Variants in C1GALT1 observed in about 807,000 individuals in gnomAD.
The protein encoded by C1GALT1 is glycoprotein-N-acetylgalactosamine 3-beta-galactosyltransferase 1.
C1GALT1 carries 11 observed loss-of-function variants against 31.0 expected under a neutral mutation model. The ratio of observed to expected loss-of-function variants is 0.36; its 90% CI spans 0.22 to 0.59. C1GALT1 has a LOEUF of 0.59. Among genes scored for constraint, C1GALT1 ranks in the 20% least tolerant of loss-of-function variants. The pLI is 0.79. For synonymous variants in C1GALT1, 175 were observed against 143.6 expected, an observed-to-expected ratio of 1.22 and a Z score of -1.56; for missense variants, 424 against 425.2, an observed-to-expected ratio of 1.00 and a Z score of 0.03.
intron 1 of C1GALT1, among the ~76,000 whole-genome samples, chr7:7,195,140 G>A (rs904403161): frequency 2.0e-5 from 3 of 151,916 alleles, no homozygotes; most frequent in African/African-American, 4.8e-5. Context: ...TATCTTTTGT[G>A]TTTTTTGTTT....
At position 7,211,780 on chromosome 7, in the gene C1GALT1, A is replaced by C. The variant is rs563894193; in HGVS notation, c.-17-22523A>C. ...CAGGATAATTTCCCACAATTAGTAT[A>C]GTGATTCAGATTTTTACATTACCCA... On this transcript the variant is annotated intron_variant, in intron 1 of 3. Transcript: ENST00000436587. Among the ~76,000 whole-genome samples, 7 of 152,326 alleles carry C rather than the reference A, an allele frequency of 4.6e-5. No homozygotes were observed. In the East Asian group the frequency reaches 9.6e-4, roughly 21 times the overall value.
At chr7:7,217,170 C>A (rs1782284030) in intron 1 of C1GALT1, among the ~76,000 whole-genome samples, 1 of 152,192 alleles carries the variant, frequency 6.6e-6, no homozygotes, top group Non-Finnish European at 1.5e-5. Flanking sequence ...AGTGAAGGAA[C>A]ACCAGGGTTC....
chr7:7,213,275 T>G (rs933674625), intron 1 of C1GALT1, among the ~76,000 whole-genome samples: 1 of 152,206 alleles, frequency 6.6e-6, no homozygotes, highest in African/African-American at 2.4e-5. Context: ...TGTCTGCAAA[T>G]GACAAAATTT....
intron 1 of C1GALT1, among the ~76,000 whole-genome samples, chr7:7,198,195 A>G (rs1037031103): frequency 3.3e-5 from 5 of 151,930 alleles, no homozygotes; most frequent in African/African-American, 1.2e-4. Flanking sequence ...TTATTATTTT[A>G]AGATATGTCC....
At chr7:7,199,199 C>G (rs967389745) in intron 1 of C1GALT1, among the ~76,000 whole-genome samples, 1 of 152,172 alleles carries the variant, frequency 6.6e-6, no homozygotes, top group Non-Finnish European at 1.5e-5. Flanking sequence ...CCTCTACACA[C>G]TGCTTTAAAT....
chr7:7,163,584 A>T (rs1246369688), intron 2 of C1GALT1, among the ~76,000 whole-genome samples: 2 of 152,132 alleles, frequency 1.3e-5, no homozygotes, highest in Non-Finnish European at 2.9e-5. Context: ...CTCAGCCCAA[A>T]ATCTCCTTAA....
intron 3 of C1GALT1, among the ~76,000 whole-genome samples, chr7:7,241,921 A>T (rs1443662541): frequency 6.6e-6 from 1 of 152,054 alleles, no homozygotes; most frequent in Admixed American, 6.5e-5. Flanking sequence ...TAATTAATGC[A>T]GTAAATCTTA....
intron 1 of C1GALT1, among the ~76,000 whole-genome samples, chr7:7,223,750 T>C (rs953656035): frequency 2.6e-5 from 4 of 152,150 alleles, no homozygotes; most frequent in Non-Finnish European, 5.9e-5. Flanking sequence ...GCCTTTTCAT[T>C]CTCTTTTTTA....
At chr7:7,223,286 G>T (rs1562585702) in intron 1 of C1GALT1, among the ~76,000 whole-genome samples, 1 of 152,132 alleles carries the variant, frequency 6.6e-6, no homozygotes, top group Non-Finnish European at 1.5e-5. Context: ...AACCTCCCCA[G>T]TAGCTGGGAT....
intron 2 of C1GALT1, chr7:7,235,443 G>A (rs1383163011): frequency 6.6e-6 from 1 of 152,124 alleles, no homozygotes; most frequent in African/African-American, 2.4e-5. Context: ...AGTATGTCGT[G>A]TTTTGTGATT....
rs1339695008 is a variant in C1GALT1, at chr7:7,234,327, C to G, written c.8C>G (p.Ser3Cys). The change falls in exon 2 of 4, where the codon TCT becomes TGT. Residue 3 changes from serine to cysteine, a missense_variant. Physicochemically the swap from Ser to Cys is moderately radical, Grantham distance 112. This residue lies in a region of C1GALT1 where 189 missense variants were observed against 158.2 expected (regional missense o/e 1.19). Coordinates refer to ENST00000436587, the MANE Select transcript of C1GALT1 (RefSeq NM_020156.5). ...GAAATACACTTTCGGGAAATGGCCTCTAAATCCTGGCTGAATTTTTTAACC... is the reference window on the plus strand; with the variant it reads ...GAAATACACTTTCGGGAAATGGCCTGTAAATCCTGGCTGAATTTTTTAACC... MA[S>C]KSWLNFLTFL... The G allele has an allele frequency of 6.2e-7, 1 of 1,613,664 alleles. No individual in the cohort carries two copies. The highest frequency in any genetic ancestry group is 8.5e-7 in the Non-Finnish European group (1 of 1,179,770).
intron 2 of C1GALT1, among the ~76,000 whole-genome samples, chr7:7,172,512 T>C (rs1780464470): frequency 6.6e-6 from 1 of 152,196 alleles, no homozygotes; most frequent in Non-Finnish European, 1.5e-5. Flanking sequence ...TTTGGAAGTT[T>C]CTGGCTATAA....
chr7:7,232,907 C>T (rs1783154918), intron 1 of C1GALT1, among the ~76,000 whole-genome samples: 1 of 152,144 alleles, frequency 6.6e-6, no homozygotes, highest in African/African-American at 2.4e-5. Flanking sequence ...TCTCTTTCCT[C>T]ATCTGCAGAC....
intron 1 of C1GALT1, among the ~76,000 whole-genome samples, chr7:7,231,708 T>C (rs1204428498): frequency 6.6e-6 from 1 of 152,180 alleles, no homozygotes; most frequent in Non-Finnish European, 1.5e-5. Flanking sequence ...TTGTCTACTT[T>C]TTTGTGTTTA....
chr7:7,193,910 A>C (rs1384086507), intron 1 of C1GALT1, among the ~76,000 whole-genome samples: 1 of 151,460 alleles, frequency 6.6e-6, no homozygotes, highest in African/African-American at 2.4e-5. Context: ...GTATATTCCT[A>C]AGTATTTTAT....
At chr7:7,229,966 A>G (rs967924973) in intron 1 of C1GALT1, among the ~76,000 whole-genome samples, 2 of 152,212 alleles carry the variant, frequency 1.3e-5, no homozygotes, top group African/African-American at 2.4e-5. Flanking sequence ...GTAAACATGT[A>G]TCTGATAGTT....
intron 2 of C1GALT1, among the ~76,000 whole-genome samples, chr7:7,162,975 T>C (rs149789736): frequency 4.0e-5 from 6 of 151,686 alleles, no homozygotes; most frequent in Admixed American, 6.6e-5. Flanking sequence ...TTGTTTTTTC[T>C]TGTAAATTTG....
At chr7:7,228,530 T>A (rs1402808023) in intron 1 of C1GALT1, among the ~76,000 whole-genome samples, 1 of 152,176 alleles carries the variant, frequency 6.6e-6, no homozygotes, top group East Asian at 1.9e-4. Flanking sequence ...CTTGTGGACA[T>A]GATTTTTGCC....
chr7:7,193,468 G>A (rs569746082), intron 1 of C1GALT1, among the ~76,000 whole-genome samples: 2 of 152,026 alleles, frequency 1.3e-5, no homozygotes, highest in African/African-American at 4.8e-5. Context: ...TGGCTGTTAA[G>A]TATTTGGCTT....
Sources: allele counts gnomAD v4.1 joint callset (sites outside exome capture counted in the v4.1 genomes callset), GRCh38; gene constraint gnomAD v4.1.1; regional missense constraint gnomAD v4.1.1; transcripts MANE v1.5; gene names NCBI Gene and HGNC (gene_info 2026-07-23, HGNC 2026-07-21).